The following GABRB3 variants were observed in gnomAD, a reference collection of about 807,000 sequenced individuals.
GABRB3 encodes the protein gamma-aminobutyric acid receptor subunit beta-3.
A neutral mutation model predicts 52.1 loss-of-function variants in GABRB3; 14 were observed. The ratio of observed to expected loss-of-function variants is 0.27; its 90% CI spans 0.18 to 0.42. The LOEUF (loss-of-function observed/expected upper bound fraction) is 0.42. Among genes scored for constraint, GABRB3 ranks in the 10% least tolerant of loss-of-function variants. GABRB3 has a pLI of 1.00. For synonymous variants in GABRB3, 260 were observed against 232.3 expected (o/e 1.12, Z -1.08); for missense variants, 307 against 609.1 (o/e 0.50, Z 5.22).
At chr15:26,632,412 C>A (rs918750928) in intron 3 of GABRB3, among the ~76,000 whole-genome samples, 4 of 152,200 alleles carry the variant, frequency 2.6e-5, no homozygotes, top group Non-Finnish European at 4.4e-5. Flanking sequence ...ATAAGTCTCC[C>A]AGGCCCCTAA....
chr15:26,719,198 G>A (rs549559672), intron 3 of GABRB3, among the ~76,000 whole-genome samples: 4 of 152,372 alleles, frequency 2.6e-5, no homozygotes, highest in African/African-American at 9.6e-5. Context: ...TTGGCATAGC[G>A]CTAGGCACAT....
intron 3 of GABRB3, chr15:26,629,180 A>G: frequency 2.7e-6 from 4 of 1,478,828 alleles, no homozygotes; most frequent in Non-Finnish European, 3.6e-6. Flanking sequence ...AGCTCCCGGG[A>G]GACGGAGGGC....
intron 4 of GABRB3, among the ~76,000 whole-genome samples, chr15:26,597,834 C>A (rs1891451666): frequency 6.6e-6 from 1 of 152,120 alleles, no homozygotes; most frequent in Non-Finnish European, 1.5e-5. Context: ...CATTTTTTCT[C>A]CACCCTCAAA....
intron 4 of GABRB3, among the ~76,000 whole-genome samples, chr15:26,596,923 T>C (rs1469912716): frequency 1.3e-5 from 2 of 152,158 alleles, no homozygotes; most frequent in African/African-American, 4.8e-5. Context: ...GAGAACCATG[T>C]TGCTAGAGGG....
chr15:26,659,801 G>A (rs1216684039), intron 3 of GABRB3, among the ~76,000 whole-genome samples: 1 of 152,110 alleles, frequency 6.6e-6, no homozygotes, highest in Non-Finnish European at 1.5e-5. Flanking sequence ...GGCCTGCACT[G>A]GGCCACCCAT....
At chr15:26,738,289 G>A (rs374075075) in intron 3 of GABRB3, among the ~76,000 whole-genome samples, 31 of 152,054 alleles carry the variant, frequency 2.0e-4, no homozygotes, top group Admixed American at 1.0e-3. Context: ...CACAATGTTG[G>A]CCAGGCTGGT....
chr15:26,554,205 A>ATT (rs1567098003), intron 8 of GABRB3, among the ~76,000 whole-genome samples: 2,420 of 96,472 alleles, frequency 0.025, 326 homozygotes, highest in African/African-American at 0.066. Context: ...ATATATATAT[A>ATT]TATAGTAGAA....
intron 3 of GABRB3, chr15:26,642,594 G>A: frequency 2.1e-6 from 2 of 932,108 alleles, no homozygotes; most frequent in Admixed American, 2.3e-5. Context: ...AATAGTCTAA[G>A]TGCTATCCTA....
intron 3 of GABRB3, among the ~76,000 whole-genome samples, chr15:26,685,188 C>T (rs1888363521): frequency 6.6e-6 from 1 of 152,166 alleles, no homozygotes; most frequent in Non-Finnish European, 1.5e-5. Context: ...CCACCTGGGT[C>T]ACTGCCCTAC....
intron 3 of GABRB3, among the ~76,000 whole-genome samples, chr15:26,730,971 A>G (rs569996195): frequency 5.4e-4 from 82 of 152,330 alleles, no homozygotes; most frequent in Non-Finnish European, 9.7e-4. Context: ...TTTGGGTTCA[A>G]CATTTAACCT....
chr15:26,764,517 T>C (rs182083612), intron 3 of GABRB3, among the ~76,000 whole-genome samples: 69 of 152,160 alleles, frequency 4.5e-4, no homozygotes, highest in Non-Finnish European at 1.2e-4. Flanking sequence ...GATACATTAG[T>C]TAACGTTTAC....
At chr15:26,664,432 G>T (rs1887640227) in intron 3 of GABRB3, among the ~76,000 whole-genome samples, 1 of 152,070 alleles carries the variant, frequency 6.6e-6, no homozygotes, top group Non-Finnish European at 1.5e-5. Context: ...GAGGAAGAGG[G>T]ATACGCCATG....
chr15:26,768,373 G>C (rs1244158830), intron 3 of GABRB3, among the ~76,000 whole-genome samples: 2 of 152,042 alleles, frequency 1.3e-5, no homozygotes, highest in Non-Finnish European at 1.5e-5. Flanking sequence ...TAAAAAGTAA[G>C]TACATGTAAC....
chr15:26,708,563 G>C (rs1262173699), intron 3 of GABRB3, among the ~76,000 whole-genome samples: 1 of 152,214 alleles, frequency 6.6e-6, no homozygotes, highest in Admixed American at 6.5e-5. Context: ...ATGGGAGGGG[G>C]TGAAAGAATA....
chr15:26,747,564 T>A (rs2140167598), intron 3 of GABRB3, among the ~76,000 whole-genome samples: 1 of 152,360 alleles, frequency 6.6e-6, no homozygotes, highest in Non-Finnish European at 1.5e-5. Context: ...TTTGTGTTGA[T>A]CCTGTATCCA....
intron 4 of GABRB3, among the ~76,000 whole-genome samples, chr15:26,603,756 A>C (rs1595474460): frequency 6.6e-6 from 1 of 152,004 alleles, no homozygotes; most frequent in South Asian, 2.1e-4. Context: ...AAAAAAACTA[A>C]GATAGAAGGA....
chr15:26,560,575 T>C (rs1889941064), intron 8 of GABRB3, among the ~76,000 whole-genome samples: 1 of 152,188 alleles, frequency 6.6e-6, no homozygotes, highest in African/African-American at 2.4e-5. Context: ...AAAGTGACTG[T>C]TGGGCATGCT....
chr15:26,725,054 TC>T (rs1405167984), intron 3 of GABRB3, among the ~76,000 whole-genome samples: 1 of 152,222 alleles, frequency 6.6e-6, no homozygotes. Context: ...AGTGTCACTT[TC>T]TTGAACACAA....
chr15:26,618,883 A>C (rs1423764687), intron 4 of GABRB3, among the ~76,000 whole-genome samples: 2 of 148,816 alleles, frequency 1.3e-5, no homozygotes, highest in East Asian at 1.9e-4. Context: ...TTCTCAAAAG[A>C]AGACATTTAT....
Sources: allele counts gnomAD v4.1 joint callset (sites outside exome capture counted in the v4.1 genomes callset), GRCh38; gene constraint gnomAD v4.1.1; transcripts MANE v1.5; gene names NCBI Gene and HGNC (gene_info 2026-07-23, HGNC 2026-07-21).